The following CRACR2A variants were observed in gnomAD, a reference collection of about 807,000 sequenced individuals.
CRACR2A encodes the protein calcium release activated channel regulator 2A, also known as EF-hand calcium-binding domain-containing protein 4B.
In CRACR2A, 79 loss-of-function variants were observed where a neutral mutation model predicts 90.5. The ratio of observed to expected loss-of-function variants is 0.87; its 90% CI spans 0.73 to 1.05. The LOEUF is 1.05. CRACR2A is among the 50% of genes least tolerant of loss of function. CRACR2A has a pLI of 0.00. For synonymous variants in CRACR2A, 338 were observed against 356.7 expected (o/e 0.95, Z 0.59); for missense variants, 823 against 897.2 (o/e 0.92, Z 1.06).
At chr12:3,751,188 G>C (rs956832414) in intron 1 of CRACR2A, among the ~76,000 whole-genome samples, 1 of 152,128 alleles carries the variant, frequency 6.6e-6, no homozygotes, top group African/African-American at 2.4e-5. Context: ...CTCCTCATGA[G>C]GTTGTCAGGA....
intron 7 of CRACR2A, among the ~76,000 whole-genome samples, chr12:3,662,756 T>TGTGTCTGCAGGAGCCCCGCA (rs1945060996): frequency 6.6e-6 from 1 of 152,204 alleles, no homozygotes; most frequent in Non-Finnish European, 1.5e-5. Flanking sequence ...GCCAGGAGCC[T>TGTGTCTGCAGGAGCCCCGCA]GTGTCTGCAG....
intron 4 of CRACR2A, among the ~76,000 whole-genome samples, chr12:3,687,772 T>C (rs1483162994): frequency 6.6e-6 from 1 of 152,204 alleles, no homozygotes; most frequent in East Asian, 1.9e-4. Flanking sequence ...TGCACACTGC[T>C]TTCCACAATG....
intron 15 of CRACR2A, among the ~76,000 whole-genome samples, chr12:3,631,784 C>T (rs1944379901): frequency 6.6e-6 from 1 of 152,190 alleles, no homozygotes. Context: ...AGGGACCCCT[C>T]TCTGGGAGAA....
At chr12:3,643,904 ATATATATTTATAT>A (rs1247884082) in intron 12 of CRACR2A, among the ~76,000 whole-genome samples, 3,722 of 97,592 alleles carry the variant, frequency 0.038, 86 homozygotes, top group African/African-American at 0.058. Flanking sequence ...AATATATATT[ATATATATTTATAT>A]TATATATATA....
At chr12:3,655,279 A>G (rs1474954294) in intron 9 of CRACR2A, among the ~76,000 whole-genome samples, 1 of 152,186 alleles carries the variant, frequency 6.6e-6, no homozygotes, top group Non-Finnish European at 1.5e-5. Context: ...TGCATAATAG[A>G]GAGGAAGAGA....
chr12:3,627,448 C>T lies in CRACR2A; in HGVS notation c.1920G>A (p.Leu640=), dbSNP rs1944285832. 6.4e-7 allele frequency: 1 copy of T among 1,551,898 alleles called. No individual in the cohort carries two copies. Among genetic ancestry groups the T allele is most frequent in the Non-Finnish European group, 8.7e-7 (1 of 1,147,034 alleles). Residue 640 remains leucine, a synonymous_variant, in exon 17 of 20, where the codon CTG becomes CTA. Transcript: ENST00000440314. ...GTCGCCAGCTCACCTCCACGCTGCTCAGCCACCGCCGGACCGACAGGAACG... is the reference window on the plus strand; with the variant it reads ...GTCGCCAGCTCACCTCCACGCTGCTTAGCCACCGCCGGACCGACAGGAACG... ...KQSFLSVRRW[L]SSVEEAVGDR...
In CRACR2A at chr12:3,668,676, C is replaced by A. The variant is rs977829784; in HGVS notation, c.671+4770G>T. On this transcript the variant is annotated intron_variant, in intron 7 of 19. Coordinates refer to ENST00000440314, the MANE Select transcript of CRACR2A (RefSeq NM_001144958.2). The stretch of plus-strand genomic sequence containing the variant: ...CCTCGAGGCTCCACAACACAGGCTG[C>A]CGATCCTTAGGCTTGTGTGGGTGTG... 2.1e-4 allele frequency among the ~76,000 whole-genome samples: 32 copies of A among 151,996 alleles called. 1 individual carries two copies. Among genetic ancestry groups the A allele is most frequent in the Non-Finnish European group, 1.6e-4 (11 of 67,994 alleles).
intron 3 of CRACR2A, among the ~76,000 whole-genome samples, chr12:3,699,556 G>C (rs1945800803): frequency 6.6e-6 from 1 of 152,176 alleles, no homozygotes; most frequent in Non-Finnish European, 1.5e-5. Flanking sequence ...GAGCCCTCAA[G>C]TCACTCTGGG....
intron 2 of CRACR2A, chr12:3,731,420 T>G (rs940119681): frequency 2.0e-5 from 3 of 152,284 alleles, no homozygotes; most frequent in Non-Finnish European, 2.9e-5. Flanking sequence ...CAGTTCCTCC[T>G]CTGGAGCACA....
intron 4 of CRACR2A, among the ~76,000 whole-genome samples, chr12:3,691,348 T>C (rs1945648355): frequency 6.6e-6 from 1 of 152,228 alleles, no homozygotes; most frequent in African/African-American, 2.4e-5. Context: ...TGGTAACAAA[T>C]TCCCTCAGGA....
chr12:3,666,377 G>T (rs569343863), intron 7 of CRACR2A, among the ~76,000 whole-genome samples: 39 of 151,996 alleles, frequency 2.6e-4, no homozygotes, highest in African/African-American at 9.2e-4. Context: ...GCGTGCGCGC[G>T]CACGCGCGCA....
In CRACR2A at chr12:3,696,777, T is replaced by A. The variant is rs769781447; in HGVS notation, c.223A>T (p.Met75Leu). 1 of 1,614,204 alleles carries A rather than the reference T, an allele frequency of 6.2e-7. No homozygotes were observed. Among genetic ancestry groups the A allele is most frequent in the East Asian group, 2.2e-5 (1 of 44,878 alleles). Residue 75 changes from methionine (M) to leucine (L), a missense_variant, in exon 4 of 20, where the codon ATG becomes TTG. Physicochemically the swap from Met to Leu is conservative, Grantham distance 15 (BLOSUM62 2). Coordinates refer to ENST00000440314, the MANE Select transcript of CRACR2A (RefSeq NM_001144958.2). Reference protein sequence around the residue: ...EGKGFIARKDMQRLHKELPLS... With the variant: ...EGKGFIARKDLQRLHKELPLS... ...CTACCTGGGACCCCACTTACCTGCA[T>A]ATCCTTCCTGGCGATGAAGCCCTTG...
intron 2 of CRACR2A, among the ~76,000 whole-genome samples, chr12:3,722,484 G>T (rs144243432): frequency 2.0e-5 from 3 of 152,192 alleles, no homozygotes; most frequent in Non-Finnish European, 4.4e-5. Flanking sequence ...ATGAGAGGCC[G>T]TGGGGACCTG....
At chr12:3,683,794 G>C (rs1221714974) in intron 4 of CRACR2A, among the ~76,000 whole-genome samples, 1 of 152,206 alleles carries the variant, frequency 6.6e-6, no homozygotes, top group Admixed American at 6.5e-5. Flanking sequence ...GATAAGTGTT[G>C]AAGGAAGGCA....
chr12:3,725,071 T>G (rs1033059591), intron 2 of CRACR2A, among the ~76,000 whole-genome samples: 18 of 152,162 alleles, frequency 1.2e-4, no homozygotes, highest in Admixed American at 6.5e-5. Context: ...CCTATAATAG[T>G]GGTCCTGCCT....
At chr12:3,713,367 AC>A in intron 2 of CRACR2A, 50 bp from the exon 3 acceptor site, 5 of 940,306 alleles carry the variant, frequency 5.3e-6, no homozygotes, top group Non-Finnish European at 6.3e-6. Flanking sequence ...ACTGAGGGTT[AC>A]AACAGAAGTG....
chr12:3,745,173 G>C (rs954411491), intron 1 of CRACR2A, among the ~76,000 whole-genome samples: 1 of 152,074 alleles, frequency 6.6e-6, no homozygotes, highest in East Asian at 1.9e-4. Flanking sequence ...ATCTGTATCC[G>C]GGGTGTCTGT....
At chr12:3,710,547 C>T (rs112436562) in intron 3 of CRACR2A, among the ~76,000 whole-genome samples, 6,569 of 152,064 alleles carry the variant, frequency 0.043, 191 homozygotes, top group African/African-American at 0.077. Flanking sequence ...ATAATTGCAG[C>T]ACTTTGGGAG....
chr12:3,630,159 C>T (rs1295394469), intron 15 of CRACR2A, among the ~76,000 whole-genome samples: 1 of 152,068 alleles, frequency 6.6e-6, no homozygotes, highest in Non-Finnish European at 1.5e-5. Flanking sequence ...TGGATGCTGA[C>T]AATCTTTAAG....
Sources: gnomAD v4.1 joint callset for allele counts (sites outside exome capture counted in the v4.1 genomes callset) on GRCh38, gnomAD v4.1.1 for gene constraint, MANE v1.5 for transcripts, NCBI Gene and HGNC (gene_info 2026-07-23, HGNC 2026-07-21) for gene names.